Variants in SPECC1L observed in about 807,000 individuals in gnomAD.
SPECC1L encodes the protein sperm antigen with calponin homology and coiled-coil domains 1 like.
SPECC1L carries 40 observed loss-of-function variants against 116.8 expected under a neutral mutation model. The observed-to-expected ratio is 0.34, with a 90% CI of 0.27 to 0.45. SPECC1L has a LOEUF of 0.45. SPECC1L is among the 20% of genes least tolerant of loss of function. SPECC1L has a pLI of 1.00. For missense variants in SPECC1L, 1,110 were observed against 1,373.6 expected, an observed-to-expected ratio of 0.81 and a Z score of 3.03; for synonymous variants, 504 against 500.6, an observed-to-expected ratio of 1.01 and a Z score of -0.09.
At chr22:24,382,704 C>CAAA (rs34174849) in intron 14 of SPECC1L, among the ~76,000 whole-genome samples, 107 of 59,190 alleles carry the variant, frequency 1.8e-3, no homozygotes, top group Middle Eastern at 0.011. Flanking sequence ...GACTCCATCT[C>CAAA]AAAAAAAAAA....
At chr22:24,402,106 T>C (rs1443410766) in intron 14 of SPECC1L, among the ~76,000 whole-genome samples, 1 of 117,778 alleles carries the variant, frequency 8.5e-6, no homozygotes, top group African/African-American at 3.3e-5. Context: ...TGCTTCCCCT[T>C]CCTTCCCCTT....
At chr22:24,402,749 G>A (rs2042505383) in intron 14 of SPECC1L, among the ~76,000 whole-genome samples, 1 of 152,216 alleles carries the variant, frequency 6.6e-6, no homozygotes, top group South Asian at 2.1e-4. Context: ...CTTGCCCTGT[G>A]TCCATAAAAG....
chr22:24,376,981 C>G (rs1370231031), intron 14 of SPECC1L, among the ~76,000 whole-genome samples: 1 of 151,996 alleles, frequency 6.6e-6, no homozygotes, highest in Non-Finnish European at 1.5e-5. Context: ...TTTTACCACT[C>G]CATAAAGAAA....
At chr22:24,302,492 C>A in intron 3 of SPECC1L, 108 bp downstream of exon 3, 1 of 1,419,006 alleles carries the variant, frequency 7.0e-7, no homozygotes, top group Non-Finnish European at 9.9e-7. Flanking sequence ...TCTTCTGGTG[C>A]TGGGAACACT....
chr22:24,287,224 C>T (rs1468704430), intron 2 of SPECC1L, among the ~76,000 whole-genome samples: 6 of 151,948 alleles, frequency 3.9e-5, no homozygotes, highest in African/African-American at 9.7e-5. Context: ...TATGTGTGCA[C>T]GTAAAATGGA....
intron 4 of SPECC1L, among the ~76,000 whole-genome samples, chr22:24,317,666 C>T (rs1166994346): frequency 1.3e-5 from 2 of 152,104 alleles, no homozygotes; most frequent in Non-Finnish European, 2.9e-5. Context: ...GGGGCTGACC[C>T]CCCCATCTCC....
chr22:24,334,666 A>T, intron 9 of SPECC1L, 93 bp downstream of exon 9: 1 of 1,374,436 alleles, frequency 7.3e-7, no homozygotes, highest in African/African-American at 1.4e-5. Flanking sequence ...TTACTGTCTT[A>T]CTCTTAGTCC....
chr22:24,291,876 TTTG>T (rs143303070), intron 2 of SPECC1L, among the ~76,000 whole-genome samples: 37 of 152,286 alleles, frequency 2.4e-4, no homozygotes, highest in African/African-American at 6.5e-4. Context: ...GTGTTTTCTT[TTTG>T]TTGTTGTTGT....
At chr22:24,410,642 G>A (rs548070628) in intron 14 of SPECC1L, among the ~76,000 whole-genome samples, 4 of 152,170 alleles carry the variant, frequency 2.6e-5, no homozygotes, top group Non-Finnish European at 5.9e-5. Flanking sequence ...TTAACCACAA[G>A]TTTGTGGTGG....
Position 24,414,586 on chromosome 22 carries a change from T to A in SPECC1L, c.3317T>A (p.Leu1106Gln), listed in dbSNP as rs762061499. ...CGACCCGACTGGCAGAACGTGATGC[T>A]GTATGTGACGGCGATCTACAAGTAC... is the stretch of plus-strand genomic sequence containing the variant. ...TERPDWQNVM[L>Q]YVTAIYKYFE... Residue 1106 changes from leucine to glutamine, a missense_variant, in exon 17 of 17, where the codon CTG becomes CAG. Around this residue, in one of 4 missense-constraint regions of SPECC1L, gnomAD observed 76 missense variants for 148.5 expected, o/e 0.51. Transcript: ENST00000314328. The A allele has an allele frequency of 2.3e-5, 37 of 1,613,894 alleles. No homozygotes were observed. Among genetic ancestry groups the A allele is most frequent in the Non-Finnish European group, 3.1e-5 (36 of 1,179,998 alleles).
intron 3 of SPECC1L, among the ~76,000 whole-genome samples, chr22:24,308,310 G>A (rs2049542190): frequency 6.6e-6 from 1 of 152,168 alleles, no homozygotes; most frequent in South Asian, 2.1e-4. Context: ...CCAGGATTAT[G>A]TATTGCATTT....
chr22:24,293,638 A>G (rs1344808054), intron 2 of SPECC1L, among the ~76,000 whole-genome samples: 2 of 151,220 alleles, frequency 1.3e-5, no homozygotes, highest in Non-Finnish European at 2.9e-5. Flanking sequence ...GGGAAATAAT[A>G]GTCTTGCTGA....
rs200267920 is a variant in SPECC1L, at chr22:24,321,680, C to T, written c.700C>T (p.His234Tyr). The change falls in exon 5 of 17, where the codon CAC becomes TAC. Residue 234 changes from histidine to tyrosine, a missense_variant. Physicochemically the swap from His to Tyr is moderately conservative, Grantham distance 83. Transcript: ENST00000314328. ...EKSEKETIMAHQPTDVESTLL... is the reference protein window; with the variant it reads ...EKSEKETIMAYQPTDVESTLL... ...ATCTGAGAAGGAAACTATTATGGCT[C>T]ACCAGCCGACTGATGTGGAGTCCAC... 7.4e-6 allele frequency: 12 copies of T among 1,614,244 alleles called. No individual in the cohort carries two copies. In the East Asian group the frequency reaches 2.2e-4, roughly 30 times the overall value.
At chr22:24,283,947 C>A (rs2048993905) in intron 2 of SPECC1L, among the ~76,000 whole-genome samples, 1 of 152,102 alleles carries the variant, frequency 6.6e-6, no homozygotes, top group Non-Finnish European at 1.5e-5. Context: ...AGTGTTGTTA[C>A]CCTTTCCATT....
At chr22:24,398,135 A>C (rs1166037692) in intron 14 of SPECC1L, among the ~76,000 whole-genome samples, 1 of 152,228 alleles carries the variant, frequency 6.6e-6, no homozygotes, top group East Asian at 1.9e-4. Flanking sequence ...TCTGGTATTC[A>C]GAGGCCTCTC....
chr22:24,296,195 G>A (rs2049258485), intron 2 of SPECC1L, among the ~76,000 whole-genome samples: 1 of 152,210 alleles, frequency 6.6e-6, no homozygotes, highest in African/African-American at 2.4e-5. Context: ...GACCTGGAGA[G>A]AATTACTTGC....
At chr22:24,371,815 G>A (rs1373421472) in intron 14 of SPECC1L, among the ~76,000 whole-genome samples, 3 of 152,120 alleles carry the variant, frequency 2.0e-5, no homozygotes, top group African/African-American at 4.8e-5. Context: ...TCCGGCTCCC[G>A]GGCTCAAGTG....
At chr22:24,341,230 C>T (rs776908942) in intron 10 of SPECC1L, among the ~76,000 whole-genome samples, 117 of 152,334 alleles carry the variant, frequency 7.7e-4, no homozygotes, top group Non-Finnish European at 1.5e-3. Context: ...GCGTAGGCAT[C>T]CCTTTGAGTC....
chr22:24,376,983 A>G (rs2041983861), intron 14 of SPECC1L, among the ~76,000 whole-genome samples: 1 of 152,076 alleles, frequency 6.6e-6, no homozygotes. Context: ...TTACCACTCC[A>G]TAAAGAAATC....
Sources: allele counts gnomAD v4.1 joint callset (sites outside exome capture counted in the v4.1 genomes callset), GRCh38; gene constraint gnomAD v4.1.1; regional missense constraint gnomAD v4.1.1; transcripts MANE v1.5; gene names NCBI Gene and HGNC (gene_info 2026-07-23, HGNC 2026-07-21).